FHOD1: variants seen among roughly 807,000 people sequenced by gnomAD.
FHOD1 encodes the protein formin homology 2 domain containing 1.
FHOD1 carries 89 observed loss-of-function variants against 111.6 expected under a neutral mutation model. The observed-to-expected ratio is 0.80, with a 90% confidence interval of 0.67 to 0.95. FHOD1 has a LOEUF of 0.95. FHOD1 is among the 40% of genes least tolerant of loss of function. The pLI is 0.00. For missense variants in FHOD1, 1,446 were observed against 1,554.2 expected (o/e 0.93, Z 1.17); for synonymous variants, 618 against 639.0 (o/e 0.97, Z 0.50).
rs1422725668 is a variant in FHOD1 at position 67,237,515 on chromosome 16, T to G, written c.809A>C (p.Asp270Ala). Residue 270 changes from aspartate (D) to alanine (A), a missense_variant, in exon 8 of 22, where the codon GAC becomes GCC. Coordinates refer to ENST00000258201, the MANE Select transcript of FHOD1 (RefSeq NM_013241.3). This position sits in a 1 kb window ranked among gnomAD's most constrained non-coding sequence, Gnocchi z 5.6. ...GACCGTGTACACCAACAACTCAGGG[T>G]CAGCGCCATTCTTCTCCTCCAGGAT... Reference protein sequence around the residue: ...VSILEEKNGADPELLVYTVTL... With the variant: ...VSILEEKNGAAPELLVYTVTL... The G allele has an allele frequency of 6.2e-7, 1 of 1,613,958 alleles. No individual in the cohort carries two copies. The highest frequency in any genetic ancestry group is 8.5e-7 in the Non-Finnish European group (1 of 1,180,008).
chr16:67,239,487 G>C (rs1327004635), intron 1 of FHOD1, 33 bp from the exon 2 acceptor site: 1 of 1,547,028 alleles, frequency 6.5e-7, no homozygotes, highest in Admixed American at 1.7e-5. Flanking sequence ...TGAGACTGAG[G>C]AAGAGGTGGC....
chr16:67,237,022 C>G lies in FHOD1; in HGVS notation c.1086G>C (p.Lys362Asn). 6.2e-7 allele frequency: 1 copy of G among 1,612,814 alleles called. No homozygotes were observed. The highest frequency in any genetic ancestry group is 8.5e-7 in the Non-Finnish European group (1 of 1,179,624). ...CGCCTTCCAGAGAACGGCGGCTCCTCTTGCCCTCCTCAGAAGAAGGCTTTC... is the reference window on the plus strand; with the variant it reads ...CGCCTTCCAGAGAACGGCGGCTCCTGTTGCCCTCCTCAGAAGAAGGCTTTC... ...ERRKPSSEEG[K>N]RSRRSLEGGG... Residue 362 changes from lysine (K) to asparagine (N), a missense_variant, in exon 10 of 22, where the codon AAG (lysine) becomes AAC (asparagine). Lys to Asn is a moderately conservative substitution (Grantham distance 94, BLOSUM62 0). This residue lies in a region of FHOD1 where 1,085 missense variants were observed against 1,108.8 expected (regional missense o/e 0.98). Transcript: ENST00000258201. This position sits in a 1 kb window ranked among gnomAD's most constrained non-coding sequence, Gnocchi z 5.6.
rs768636188 is a variant in FHOD1, at chr16:67,247,447, C to T, written c.-37G>A. ...CGGCTCACGCAGCGCGCCTCCGAGT[C>T]CCGGCCCCAGTGCAGCTTCTACTCA... On this transcript the variant is annotated 5_prime_UTR_variant, in exon 1 of 22. Transcript: ENST00000258201. 3.7e-5 allele frequency: 59 copies of T among 1,603,630 alleles called. 1 individual carries two copies. The East Asian group carries it at 9.4e-4, about 26-fold the overall frequency.
In FHOD1 at chr16:67,237,275, A is replaced by G; in HGVS notation, c.957T>C (p.Thr319=). ...LVQRHLGTAG[T]DVDLRTQLVL... ...CAAGCTGCGTGCGCAGGTCGACGTC[A>G]GTGCCCGCAGTGCCCAGGTGGCGCT... The change falls in exon 9 of 22, where the codon ACT becomes ACC. Residue 319 remains threonine, a synonymous_variant. Transcript: ENST00000258201. The surrounding 1 kb of genome is among the most constrained non-coding windows in gnomAD (Gnocchi z 5.6). The G allele has an allele frequency of 6.2e-7, 1 of 1,613,924 alleles. No homozygotes were observed. Among genetic ancestry groups the G allele is most frequent in the Non-Finnish European group, 8.5e-7 (1 of 1,180,000 alleles).
intron 11 of FHOD1, 148 bp from the exon 12 acceptor site, chr16:67,234,620 C>A (rs74797779): frequency 0.031 from 19,090 of 609,896 alleles, 378 homozygotes; most frequent in Non-Finnish European, 0.038. Context: ...CAGAACCACA[C>A]CCCCCCCAAG....
In FHOD1 at chr16:67,238,164, C is replaced by G. The variant is rs780245864; in HGVS notation, c.548-36G>C. 2.5e-6 allele frequency: 4 copies of G among 1,614,012 alleles called. No homozygotes were observed. Among genetic ancestry groups the G allele is most frequent in the Middle Eastern group, 1.6e-4 (1 of 6,062 alleles). ...AGGGATGGGCAGAGTCAGCGAGGGT[C>G]GCTGGAGCAGAGGTCATGGGAGAGG... On this transcript the variant is annotated intron_variant, in intron 5 of 21. Transcript: ENST00000258201. The surrounding 1 kb of genome is among the most constrained non-coding windows in gnomAD (Gnocchi z 4.2).
At chr16:67,240,072 C>G (rs1056343791) in intron 1 of FHOD1, among the ~76,000 whole-genome samples, 5 of 151,670 alleles carry the variant, frequency 3.3e-5, no homozygotes, top group African/African-American at 1.2e-4. Context: ...GAGAGTGTGT[C>G]TGTGTGTGTG....
intron 13 of FHOD1, 51 bp from the exon 14 acceptor site, chr16:67,232,245 C>T (rs745951598): frequency 1.3e-5 from 20 of 1,593,316 alleles, no homozygotes; most frequent in South Asian, 4.5e-5. Context: ...GGGCCTGACG[C>T]GGTGGCTCAC....
At chr16:67,233,276 G>C (rs1418427054) in intron 13 of FHOD1, among the ~76,000 whole-genome samples, 1 of 151,880 alleles carries the variant, frequency 6.6e-6, no homozygotes, top group East Asian at 1.9e-4. Context: ...AGTAGAGACG[G>C]GGTTTTGCTA....
Position 67,231,807 on chromosome 16 carries a change from T to C in FHOD1, c.2215A>G (p.Met739Val), listed in dbSNP as rs2034287707. The change falls in exon 15 of 22, where the codon ATG (methionine) becomes GTG (valine). Residue 739 changes from methionine to valine, a missense_variant. By Grantham distance (21) the Met-to-Val change is conservative (BLOSUM62 1). Coordinates refer to ENST00000258201, the MANE Select transcript of FHOD1 (RefSeq NM_013241.3). This position sits in a 1 kb window ranked among gnomAD's most constrained non-coding sequence, Gnocchi z 4.3. ...TGCCGCTCTTCCTCCGTGGGCATCA[T>C]GGTCAGTAGCTTCTGAGGATGTAGC... ...SKDGIEKLLT[M>V]MPTEEERQKI... 1 of 1,613,928 alleles carries C rather than the reference T, an allele frequency of 6.2e-7. No homozygotes were observed.
At chr16:67,236,324 ACAGG>A (rs1331215396) in intron 11 of FHOD1, 1 of 1,343,682 alleles carries the variant, frequency 7.4e-7, no homozygotes, top group African/African-American at 1.5e-5. Context: ...AGAGGCAAAG[ACAGG>A]CAGAACGTCG....
At position 67,231,200 on chromosome 16, in the gene FHOD1, G is replaced by A. The variant is rs2034254533; in HGVS notation, c.2655C>T (p.Thr885=). The A allele has an allele frequency of 4.3e-6, 7 of 1,614,152 alleles. No individual in the cohort carries two copies. In the East Asian group the frequency reaches 1.6e-4, roughly 36 times the overall value. Residue 885 remains threonine, a synonymous_variant, in exon 17 of 22, where the codon ACC becomes ACT. Transcript: ENST00000258201. The surrounding 1 kb of genome is among the most constrained non-coding windows in gnomAD (Gnocchi z 4.3). The part of the protein sequence containing the change: ...SDLYSEIPAL[T]RCAKVDFEQL... The stretch of plus-strand genomic sequence containing the variant: ...GGCAGGTGCTAACCTTGGCACAGCG[G>A]GTCAGGGCAGGGATTTCTGAATAGA...
Position 67,232,205 on chromosome 16 carries a change from G to A in FHOD1, c.2047-11C>T, listed in dbSNP as rs945393606. 7 of 1,613,736 alleles carry A rather than the reference G, an allele frequency of 4.3e-6. No homozygotes were observed. The African/African-American group carries it at 5.3e-5, about 12-fold the overall frequency. Reference sequence around the variant, plus strand: ...GCCCTCTCCAGCTTTCTGCATGGTTGGGGGAAGGGCAGTGTAAGACTGAGG... The same window carrying A: ...GCCCTCTCCAGCTTTCTGCATGGTTAGGGGAAGGGCAGTGTAAGACTGAGG... On this transcript the variant is annotated splice_polypyrimidine_tract_variant and intron_variant, in intron 13 of 21. Coordinates refer to ENST00000258201, the MANE Select transcript of FHOD1 (RefSeq NM_013241.3).
chr16:67,234,969 A>C (rs993528430), intron 11 of FHOD1, among the ~76,000 whole-genome samples: 2 of 152,136 alleles, frequency 1.3e-5, no homozygotes, highest in African/African-American at 4.8e-5. Flanking sequence ...TGTGTTGTTC[A>C]GGCTGGCCTT....
rs1435707709 is a variant in FHOD1, at chr16:67,237,577, A to C, written c.755-8T>G. On this transcript the variant is annotated splice_region_variant and splice_polypyrimidine_tract_variant and intron_variant, in intron 7 of 21. Coordinates refer to ENST00000258201, the MANE Select transcript of FHOD1 (RefSeq NM_013241.3). This position sits in a 1 kb window ranked among gnomAD's most constrained non-coding sequence, Gnocchi z 5.6. ...TGGCCCAGGGAGGAGCACCTGCCAC[A>C]CAGAAAGTGGAGCAGTCATGGGGGA... The C allele has an allele frequency of 6.2e-7, 1 of 1,614,082 alleles. No homozygotes were observed. Among genetic ancestry groups the C allele is most frequent in the Admixed American group, 1.7e-5 (1 of 60,014 alleles).
rs1428384716 is a variant in FHOD1 at position 67,229,851 on chromosome 16, G to C, written c.3354C>G (p.Ser1118Arg). ...MDLLVQSVTK[S>R]SPRALAARER... ...CCCTAGCAGCTAAGGCACGAGGACT[G>C]CTCTTGGTCACTGACTGCACCAGAA... Residue 1118 changes from serine to arginine, a missense_variant, in exon 21 of 22, where the codon AGC (serine) becomes AGG (arginine). Physicochemically the swap from Ser to Arg is moderately radical, Grantham distance 110. Coordinates refer to ENST00000258201, the MANE Select transcript of FHOD1 (RefSeq NM_013241.3). The C allele has an allele frequency of 6.2e-7, 1 of 1,614,230 alleles. No individual in the cohort carries two copies. The highest frequency in any genetic ancestry group is 8.5e-7 in the Non-Finnish European group (1 of 1,180,036).
chr16:67,232,006 C>T, intron 14 of FHOD1, 33 bp downstream of exon 14: 1 of 1,611,526 alleles, frequency 6.2e-7, no homozygotes, highest in Non-Finnish European at 8.5e-7. Flanking sequence ...AAGGCCAGAC[C>T]TCCCCCCAAC....
chr16:67,247,128 TC>T, intron 1 of FHOD1, 81 bp downstream of exon 1: 1 of 1,394,978 alleles, frequency 7.2e-7, no homozygotes, highest in African/African-American at 1.5e-5. Flanking sequence ...TCCAGCCTCT[TC>T]CCGCGGAGCA....
chr16:67,233,628 G>C (rs2034359143), intron 13 of FHOD1, 29 bp downstream of exon 13: 1 of 1,557,974 alleles, frequency 6.4e-7, no homozygotes, highest in African/African-American at 1.4e-5. Context: ...TGCCTCCCTT[G>C]GGGCTACCTT....
Sources: allele counts gnomAD v4.1 joint callset (sites outside exome capture counted in the v4.1 genomes callset), GRCh38; gene constraint gnomAD v4.1.1; regional missense constraint gnomAD v4.1.1; non-coding constraint Gnocchi (gnomAD v3.1); transcripts MANE v1.5; gene names NCBI Gene and HGNC (gene_info 2026-07-23, HGNC 2026-07-21).